Variants in ZDHHC14 observed in about 807,000 individuals in gnomAD.
ZDHHC14 encodes palmitoyltransferase ZDHHC14.
A neutral mutation model predicts 47.7 loss-of-function variants in ZDHHC14; 16 were observed. The observed-to-expected ratio is 0.34, with a 90% CI of 0.23 to 0.51. ZDHHC14 has a LOEUF of 0.51. Among genes scored for constraint, ZDHHC14 ranks in the 20% least tolerant of loss-of-function variants. The probability of loss-of-function intolerance (pLI) is 0.97; values close to 1 mark genes in which losing one functional copy is unlikely to be tolerated. For missense variants in ZDHHC14, 515 were observed against 662.5 expected (o/e 0.78, Z 2.44); for synonymous variants, 293 against 278.9 (o/e 1.05, Z -0.50).
At chr6:157,613,454 A>G (rs922024356) in intron 3 of ZDHHC14, among the ~76,000 whole-genome samples, 1 of 152,198 alleles carries the variant, frequency 6.6e-6, no homozygotes, top group African/African-American at 2.4e-5. Flanking sequence ...AAGCGTAATT[A>G]GAGTAGCTCC....
At chr6:157,542,860 G>C in intron 2 of ZDHHC14, 115 bp downstream of exon 2, 3 of 1,326,968 alleles carry the variant, frequency 2.3e-6, no homozygotes, top group Non-Finnish European at 3.0e-6. Context: ...AAGGAAGGAG[G>C]CCAGAAGTCA....
intron 1 of ZDHHC14, among the ~76,000 whole-genome samples, chr6:157,521,673 G>A (rs902814994): frequency 6.6e-6 from 1 of 152,194 alleles, no homozygotes; most frequent in East Asian, 1.9e-4. Context: ...TCGCATTGGC[G>A]GTTAGGATGA....
chr6:157,501,322 A>G (rs922612736), intron 1 of ZDHHC14, among the ~76,000 whole-genome samples: 1 of 152,166 alleles, frequency 6.6e-6, no homozygotes, highest in Non-Finnish European at 1.5e-5. Context: ...CAACTATGCA[A>G]TTGTTTAGGG....
chr6:157,491,052 C>G (rs1779901304), intron 1 of ZDHHC14, among the ~76,000 whole-genome samples: 1 of 152,190 alleles, frequency 6.6e-6, no homozygotes. Flanking sequence ...ATGCCTGTCA[C>G]TGGCTGGCAT....
chr6:157,426,956 T>G (rs1778235691), intron 1 of ZDHHC14, among the ~76,000 whole-genome samples: 1 of 152,018 alleles, frequency 6.6e-6, no homozygotes, highest in Non-Finnish European at 1.5e-5. Context: ...GCAGACGGCC[T>G]TTCTATAAAA....
At chr6:157,526,742 A>G (rs1781168155) in intron 1 of ZDHHC14, among the ~76,000 whole-genome samples, 1 of 152,172 alleles carries the variant, frequency 6.6e-6, no homozygotes, top group East Asian at 1.9e-4. Flanking sequence ...TACTTCAGCG[A>G]CTGTGGGAAC....
rs186937697 is a variant in ZDHHC14 at position 157,525,408 on chromosome 6, C to T, written c.246-17177C>T. ...CTCAAACTCCTGGGCTCCAGTGATC[C>T]CCCTCCCTCGGCCTCCCAAACTTCT... On this transcript the variant is annotated intron_variant, in intron 1 of 8. Transcript: ENST00000359775. 4.6e-5 allele frequency among the ~76,000 whole-genome samples: 7 copies of T among 152,152 alleles called. No homozygotes were observed. The East Asian group carries it at 1.2e-3, about 25-fold the overall frequency.
In ZDHHC14 at chr6:157,586,762, T is replaced by C. The variant is rs1316695982; in HGVS notation, c.407-6226T>C. On this transcript the variant is annotated intron_variant, in intron 2 of 8. Coordinates refer to ENST00000359775, the MANE Select transcript of ZDHHC14 (RefSeq NM_024630.3). This position sits in a 1 kb window ranked among gnomAD's most constrained non-coding sequence, Gnocchi z 4.6. ...CTTTTTTCATGGCATCGCTGGGCCC[T>C]GAATCCAGGTCTTCTGATCCTTCCA... Among the ~76,000 whole-genome samples, 1 of 152,226 alleles carries C rather than the reference T, an allele frequency of 6.6e-6. No homozygotes were observed. Among genetic ancestry groups the C allele is most frequent in the Non-Finnish European group, 1.5e-5 (1 of 68,036 alleles).
In ZDHHC14 at chr6:157,522,447, TG is replaced by T. The variant is rs1415354703; in HGVS notation, c.246-20136del. On this transcript the variant is annotated intron_variant, in intron 1 of 8. Transcript: ENST00000359775. ...GTCACTGGTTTTCACACCAGCTTTTTGGTGAAGTGTGGGGGAAATGGAATCT... is the reference window on the plus strand; with the variant it reads ...GTCACTGGTTTTCACACCAGCTTTTTGTGAAGTGTGGGGGAAATGGAATCT... Among the ~76,000 whole-genome samples, 3 of 152,272 alleles carry T rather than the reference TG, an allele frequency of 2.0e-5. No individual in the cohort carries two copies. The East Asian group carries it at 5.8e-4, about 29-fold the overall frequency.
chr6:157,650,642 TAAA>T (rs772061667), intron 7 of ZDHHC14, among the ~76,000 whole-genome samples: 1 of 130,292 alleles, frequency 7.7e-6, no homozygotes, highest in Admixed American at 7.5e-5. Flanking sequence ...CTCTTGTCAT[TAAA>T]AAAAAAAGAG....
chr6:157,525,381 G>A (rs1305701521), intron 1 of ZDHHC14, among the ~76,000 whole-genome samples: 1 of 151,970 alleles, frequency 6.6e-6, no homozygotes, highest in African/African-American at 2.4e-5. Context: ...GCCCAGGCTG[G>A]TCTCAAACTC....
intron 1 of ZDHHC14, among the ~76,000 whole-genome samples, chr6:157,456,960 C>T (rs573918668): frequency 5.9e-5 from 9 of 151,522 alleles, no homozygotes; most frequent in Admixed American, 5.9e-4. Context: ...AGCAGCCTGG[C>T]CAACATGGTG....
chr6:157,402,763 A>G (rs1406992813), intron 1 of ZDHHC14, among the ~76,000 whole-genome samples: 4 of 152,034 alleles, frequency 2.6e-5, no homozygotes, highest in East Asian at 3.9e-4. Flanking sequence ...GTCTCACTCT[A>G]TTGCCCAGGC....
intron 1 of ZDHHC14, among the ~76,000 whole-genome samples, chr6:157,538,168 G>C (rs1313576785): frequency 6.6e-6 from 1 of 152,146 alleles, no homozygotes; most frequent in African/African-American, 2.4e-5. Context: ...AGAGCACCTA[G>C]CATTATACAG....
intron 2 of ZDHHC14, among the ~76,000 whole-genome samples, chr6:157,578,735 C>A (rs916454161): frequency 6.6e-6 from 1 of 152,284 alleles, no homozygotes; most frequent in East Asian, 1.9e-4. Context: ...GCTGGCATTT[C>A]CCCTGCTTGC....
At position 157,431,699 on chromosome 6, in the gene ZDHHC14, G is replaced by T. The variant is rs2886492; in HGVS notation, c.245+49433G>T. Among the ~76,000 whole-genome samples, 922 of 151,258 alleles carry T rather than the reference G, an allele frequency of 6.1e-3. 8 individuals are homozygous for T. Among genetic ancestry groups the T allele is most frequent in the East Asian group, 0.025 (129 of 5,160 alleles). On this transcript the variant is annotated intron_variant, in intron 1 of 8. Transcript: ENST00000359775. ...ACCAAAGAAGTTACCTGGCATTTTT[G>T]CTTTGGCTTTTTATTTTTTAAATTT...
Position 157,441,708 on chromosome 6 carries a change from T to C in ZDHHC14, c.245+59442T>C, listed in dbSNP as rs62423897. Among the ~76,000 whole-genome samples the C allele has an allele frequency of 4.0e-3, 607 of 152,106 alleles. 2 individuals carry two copies. Among genetic ancestry groups the C allele is most frequent in the Non-Finnish European group, 6.7e-3 (455 of 67,964 alleles). ...CAAAAATTAGCTGGGCATGGTGGTG[T>C]GCACCTGTAATCCCAGCTACTCGGG... is the stretch of plus-strand genomic sequence containing the variant. On this transcript the variant is annotated intron_variant, in intron 1 of 8. Transcript: ENST00000359775.
In ZDHHC14 at chr6:157,586,690, C is replaced by T. The variant is rs138546440; in HGVS notation, c.407-6298C>T. 9.3e-4 allele frequency among the ~76,000 whole-genome samples: 134 copies of T among 143,558 alleles called. No individual in the cohort carries two copies. The highest frequency in any genetic ancestry group is 3.1e-3 in the African/African-American group (126 of 41,266). The allele number at this position is 143,558 out of a possible 152,430, so 94.2% of individuals were successfully genotyped here. ...GGACCCCAGCGGCCCTCGGCAACCC[C>T]TGGTGCAGCACCGGCTTATAGTAAA... On this transcript the variant is annotated intron_variant, in intron 2 of 8. Transcript: ENST00000359775. The surrounding 1 kb of genome is among the most constrained non-coding windows in gnomAD (Gnocchi z 4.6).
At chr6:157,627,547 G>C (rs1396372945) in intron 3 of ZDHHC14, among the ~76,000 whole-genome samples, 8 of 152,214 alleles carry the variant, frequency 5.3e-5, no homozygotes, top group African/African-American at 1.9e-4. Flanking sequence ...GTCCAGGTGA[G>C]AGGCCTGGGG....
Sources: allele counts gnomAD v4.1 joint callset (sites outside exome capture counted in the v4.1 genomes callset), GRCh38; gene constraint gnomAD v4.1.1; non-coding constraint Gnocchi (gnomAD v3.1); transcripts MANE v1.5; gene names NCBI Gene and HGNC (gene_info 2026-07-23, HGNC 2026-07-21).